GALNTL6: variants seen among roughly 807,000 people sequenced by gnomAD.
GALNTL6 encodes polypeptide N-acetylgalactosaminyltransferase-like 6.
In GALNTL6, 46 loss-of-function variants were observed where a neutral mutation model predicts 73.7. The observed-to-expected ratio is 0.62, with a 90% CI of 0.49 to 0.80. GALNTL6 has a LOEUF of 0.80. GALNTL6 is among the 30% of genes least tolerant of loss of function. The pLI is 0.00. For missense variants in GALNTL6, 604 were observed against 755.0 expected (o/e 0.80, Z 2.34); for synonymous variants, 259 against 263.7 (o/e 0.98, Z 0.17).
At chr4:172,275,587 T>C (rs1738800390) in intron 3 of GALNTL6, among the ~76,000 whole-genome samples, 1 of 152,194 alleles carries the variant, frequency 6.6e-6, no homozygotes, top group Admixed American at 6.5e-5. Flanking sequence ...AAAGTTAGCT[T>C]TTAACAATTA....
At chr4:172,395,724 G>A (rs1404409995) in intron 5 of GALNTL6, among the ~76,000 whole-genome samples, 1 of 152,074 alleles carries the variant, frequency 6.6e-6, no homozygotes, top group East Asian at 1.9e-4. Flanking sequence ...TGATACAAGA[G>A]ATGAAATATT....
At chr4:172,881,492 A>C (rs1392388873) in intron 7 of GALNTL6, among the ~76,000 whole-genome samples, 1 of 152,202 alleles carries the variant, frequency 6.6e-6, no homozygotes, top group East Asian at 1.9e-4. Context: ...AATTAAATCA[A>C]GTACCATCTT....
chr4:172,141,625 TA>T (rs940069990), intron 2 of GALNTL6, among the ~76,000 whole-genome samples: 5 of 150,628 alleles, frequency 3.3e-5, no homozygotes, highest in East Asian at 3.9e-4. Context: ...ATTGCTTAGC[TA>T]AAAAAAAATT....
chr4:172,928,538 T>G (rs1205703023), intron 8 of GALNTL6, among the ~76,000 whole-genome samples: 1 of 152,230 alleles, frequency 6.6e-6, no homozygotes, highest in Non-Finnish European at 1.5e-5. Context: ...TTATCTCCAG[T>G]GTCATCTGCT....
intron 7 of GALNTL6, among the ~76,000 whole-genome samples, chr4:172,825,913 C>T (rs1742240822): frequency 6.6e-6 from 1 of 152,086 alleles, no homozygotes; most frequent in Non-Finnish European, 1.5e-5. Flanking sequence ...ATGTTTTTTC[C>T]TTTGCTTAAC....
At chr4:172,769,907 C>A (rs981419275) in intron 5 of GALNTL6, among the ~76,000 whole-genome samples, 5 of 152,296 alleles carry the variant, frequency 3.3e-5, no homozygotes, top group African/African-American at 1.2e-4. Flanking sequence ...AACTATTTAA[C>A]CGGTTTGACC....
intron 2 of GALNTL6, among the ~76,000 whole-genome samples, chr4:171,868,963 G>A (rs950255108): frequency 7.9e-5 from 12 of 152,208 alleles, no homozygotes; most frequent in Non-Finnish European, 1.3e-4. Context: ...TTACAGGCAT[G>A]AGCCACCGTG....
intron 5 of GALNTL6, among the ~76,000 whole-genome samples, chr4:172,493,882 C>A (rs141153240): frequency 7.2e-5 from 11 of 152,270 alleles, no homozygotes; most frequent in African/African-American, 2.2e-4. Context: ...ATACCCTCCC[C>A]TTCCAAGCTC....
intron 2 of GALNTL6, among the ~76,000 whole-genome samples, chr4:172,120,104 C>A (rs1733106517): frequency 6.6e-6 from 1 of 152,138 alleles, no homozygotes; most frequent in South Asian, 2.1e-4. Flanking sequence ...TACTTTTTCC[C>A]AGTTCTGTAC....
At chr4:172,708,053 C>T (rs1734464955) in intron 5 of GALNTL6, among the ~76,000 whole-genome samples, 1 of 152,098 alleles carries the variant, frequency 6.6e-6, no homozygotes, top group Admixed American at 6.6e-5. Flanking sequence ...TAATTCTCCT[C>T]ACCATAAAAA....
chr4:172,170,361 T>C (rs1734772073), intron 2 of GALNTL6, among the ~76,000 whole-genome samples: 2 of 152,144 alleles, frequency 1.3e-5, no homozygotes, highest in African/African-American at 4.8e-5. Flanking sequence ...TTCTCTCTCC[T>C]GCCACCTTGT....
At position 172,151,533 on chromosome 4, in the gene GALNTL6, A is replaced by T. The variant is rs540451734; in HGVS notation, c.139-78123A>T. ...AGACTTTCAGTATTGTAGGTCCCTTAGGATTAGCTATCAACGTCAGGAGGA... is the reference window on the plus strand; with the variant it reads ...AGACTTTCAGTATTGTAGGTCCCTTTGGATTAGCTATCAACGTCAGGAGGA... On this transcript the variant is annotated intron_variant, in intron 2 of 12. Coordinates refer to ENST00000506823, the MANE Select transcript of GALNTL6 (RefSeq NM_001034845.3). Among the ~76,000 whole-genome samples, 161 of 152,350 alleles carry T rather than the reference A, an allele frequency of 1.1e-3. 1 individual carries two copies. The South Asian group carries it at 0.033, about 31-fold the overall frequency.
chr4:172,998,677 C>G (rs891076818), intron 10 of GALNTL6, among the ~76,000 whole-genome samples: 2 of 152,158 alleles, frequency 1.3e-5, no homozygotes, highest in Non-Finnish European at 2.9e-5. Flanking sequence ...TAGGCCTCCC[C>G]TACTGGATCC....
At chr4:172,663,271 G>A (rs1263335348) in intron 5 of GALNTL6, among the ~76,000 whole-genome samples, 4 of 152,136 alleles carry the variant, frequency 2.6e-5, no homozygotes, top group East Asian at 3.9e-4. Context: ...AGAAGAGAGC[G>A]AGCACAGTAG....
intron 2 of GALNTL6, among the ~76,000 whole-genome samples, chr4:171,849,257 C>A (rs1243737749): frequency 6.6e-6 from 1 of 152,134 alleles, no homozygotes; most frequent in African/African-American, 2.4e-5. Context: ...GTGTCTCAGA[C>A]AATAGAGAGG....
intron 4 of GALNTL6, among the ~76,000 whole-genome samples, chr4:172,314,006 G>A (rs185215108): frequency 2.0e-5 from 3 of 152,268 alleles, no homozygotes; most frequent in Admixed American, 1.3e-4. Context: ...TGTCTTACAG[G>A]CTCCCACTGT....
At position 172,364,436 on chromosome 4, in the gene GALNTL6, CA is replaced by C. The variant is rs565598052; in HGVS notation, c.553+15756del. ...CTGTCTCTAAAACAAACAAATTAAACAAAAAAAAATTAGCATCAGAACCTAT... is the reference window on the plus strand; with the variant it reads ...CTGTCTCTAAAACAAACAAATTAAACAAAAAAAATTAGCATCAGAACCTAT... On this transcript the variant is annotated intron_variant, in intron 5 of 12. Transcript: ENST00000506823. 1.1e-3 allele frequency among the ~76,000 whole-genome samples: 168 copies of C among 151,070 alleles called. 3 individuals carry two copies. The South Asian group carries it at 0.027, about 24-fold the overall frequency.
chr4:172,028,544 G>C (rs955194592), intron 2 of GALNTL6, among the ~76,000 whole-genome samples: 15 of 151,982 alleles, frequency 9.9e-5, no homozygotes, highest in African/African-American at 3.6e-4. Flanking sequence ...GAGATAGTAA[G>C]ATAAATTATT....
intron 8 of GALNTL6, among the ~76,000 whole-genome samples, chr4:172,930,408 C>T (rs1219693613): frequency 1.3e-5 from 2 of 152,024 alleles, no homozygotes; most frequent in Non-Finnish European, 2.9e-5. Flanking sequence ...CAGAATGCAA[C>T]TTAAAAGGTA....
Sources: allele counts gnomAD v4.1 joint callset (sites outside exome capture counted in the v4.1 genomes callset), GRCh38; gene constraint gnomAD v4.1.1; transcripts MANE v1.5; gene names NCBI Gene and HGNC (gene_info 2026-07-23, HGNC 2026-07-21).